Variants in EBF1 observed in about 807,000 individuals in gnomAD.
The protein encoded by EBF1 is transcription factor COE1.
A neutral mutation model predicts 68.4 loss-of-function variants in EBF1; 10 were observed. That is an observed-to-expected ratio of 0.15 (90% CI 0.09 to 0.25). The LOEUF is 0.25. Among genes scored for constraint, EBF1 ranks in the 10% least tolerant of loss-of-function variants. EBF1 has a pLI of 1.00. For synonymous variants in EBF1, 298 were observed against 299.8 expected (o/e 0.99, Z 0.06); for missense variants, 509 against 794.4 (o/e 0.64, Z 4.32).
intron 6 of EBF1, among the ~76,000 whole-genome samples, chr5:158,982,287 C>T (rs767182428): frequency 2.6e-5 from 4 of 152,120 alleles, no homozygotes; most frequent in Non-Finnish European, 4.4e-5. Context: ...ACAGTTGTTA[C>T]TAATAGTATT....
intron 6 of EBF1, among the ~76,000 whole-genome samples, chr5:158,933,618 AG>A (rs1811361064): frequency 6.6e-6 from 1 of 152,248 alleles, no homozygotes; most frequent in African/African-American, 2.4e-5. Flanking sequence ...CAGAGAGACC[AG>A]GACTTGCATC....
intron 6 of EBF1, among the ~76,000 whole-genome samples, chr5:159,002,597 C>G (rs760320626): frequency 6.6e-6 from 1 of 152,126 alleles, no homozygotes; most frequent in Non-Finnish European, 1.5e-5. Flanking sequence ...ATTCATCTTA[C>G]AGTAAATAAT....
At chr5:158,793,870 T>C (rs1779146821) in intron 9 of EBF1, among the ~76,000 whole-genome samples, 1 of 152,180 alleles carries the variant, frequency 6.6e-6, no homozygotes, top group Non-Finnish European at 1.5e-5. Context: ...AAATTGTGTG[T>C]GCCAAGTAGC....
intron 6 of EBF1, among the ~76,000 whole-genome samples, chr5:158,906,958 T>C (rs1562268507): frequency 6.6e-6 from 1 of 152,248 alleles, no homozygotes; most frequent in Non-Finnish European, 1.5e-5. Context: ...CACATAACTC[T>C]GTAACCTCCT....
At chr5:158,796,525 A>T in intron 8 of EBF1, 50 bp from the exon 9 acceptor site, 1 of 1,531,156 alleles carries the variant, frequency 6.5e-7, no homozygotes, top group Non-Finnish European at 8.8e-7. Context: ...GTTAGAACCA[A>T]ACTTTAATGA....
At chr5:158,823,069 C>A in intron 8 of EBF1, 107 bp downstream of exon 8, 1 of 1,499,260 alleles carries the variant, frequency 6.7e-7, no homozygotes, top group Non-Finnish European at 9.2e-7. Flanking sequence ...TTCAAAAAGA[C>A]TTTTGAAATT....
At chr5:158,788,802 GTAAA>G (rs1237464287) in intron 9 of EBF1, among the ~76,000 whole-genome samples, 24 of 152,150 alleles carry the variant, frequency 1.6e-4, no homozygotes, top group Admixed American at 1.6e-3. Context: ...TGAACACGCT[GTAAA>G]TAATGAGCTG....
At chr5:158,726,865 G>A (rs570948303) in intron 11 of EBF1, among the ~76,000 whole-genome samples, 4 of 152,318 alleles carry the variant, frequency 2.6e-5, no homozygotes, top group South Asian at 2.1e-4. Flanking sequence ...CTGTGATGTC[G>A]TAGCAAGTCA....
intron 10 of EBF1, among the ~76,000 whole-genome samples, chr5:158,764,517 G>A (rs1772211187): frequency 6.6e-6 from 1 of 152,124 alleles, no homozygotes; most frequent in Admixed American, 6.5e-5. Context: ...TCCGTGCTGG[G>A]CACTGTGAAT....
chr5:159,093,129 C>T (rs1189634755), intron 4 of EBF1, among the ~76,000 whole-genome samples: 3 of 152,166 alleles, frequency 2.0e-5, no homozygotes, highest in African/African-American at 7.2e-5. Flanking sequence ...TCTTCACGCT[C>T]ATCTATCTGC....
At chr5:158,703,568 G>A (rs1218890209) in intron 15 of EBF1, among the ~76,000 whole-genome samples, 1 of 146,664 alleles carries the variant, frequency 6.8e-6, no homozygotes, top group Non-Finnish European at 1.5e-5. Context: ...GACATTTTGT[G>A]AGGCTCCAGA....
intron 10 of EBF1, among the ~76,000 whole-genome samples, chr5:158,736,259 G>A (rs1214785281): frequency 1.3e-5 from 2 of 152,044 alleles, no homozygotes; most frequent in African/African-American, 4.8e-5. Flanking sequence ...CCACTCCTCC[G>A]TCCCCGTTAA....
At chr5:158,800,440 C>G (rs991272588) in intron 8 of EBF1, among the ~76,000 whole-genome samples, 1 of 151,890 alleles carries the variant, frequency 6.6e-6, no homozygotes, top group Non-Finnish European at 1.5e-5. Context: ...ACATTTATTC[C>G]CTATATATTT....
At chr5:158,779,155 C>A (rs772876891) in intron 9 of EBF1, among the ~76,000 whole-genome samples, 1 of 152,080 alleles carries the variant, frequency 6.6e-6, no homozygotes, top group South Asian at 2.1e-4. Context: ...TGTAGAGTAC[C>A]CAGGAGGTAT....
At chr5:159,057,912 C>T (rs1775070928) in intron 6 of EBF1, among the ~76,000 whole-genome samples, 1 of 152,210 alleles carries the variant, frequency 6.6e-6, no homozygotes, top group African/African-American at 2.4e-5. Context: ...ACTGTGTTGT[C>T]ATGAAAACTA....
chr5:158,993,191 T>G (rs1760733769), intron 6 of EBF1, among the ~76,000 whole-genome samples: 1 of 151,532 alleles, frequency 6.6e-6, no homozygotes, highest in African/African-American at 2.4e-5. Context: ...GGATTACAGG[T>G]GCACGCTGCT....
intron 6 of EBF1, among the ~76,000 whole-genome samples, chr5:158,932,721 A>G (rs1291210992): frequency 1.3e-5 from 2 of 152,228 alleles, no homozygotes; most frequent in African/African-American, 4.8e-5. Context: ...CTATTTAGCC[A>G]CATTCAAGCC....
intron 7 of EBF1, among the ~76,000 whole-genome samples, chr5:158,829,271 G>A (rs146375319): frequency 2.0e-5 from 3 of 152,186 alleles, no homozygotes; most frequent in Admixed American, 6.5e-5. Context: ...CTGCGTCCCG[G>A]GCTCAACTGG....
At chr5:158,942,972 AG>A in intron 6 of EBF1, among the ~76,000 whole-genome samples, 1 of 104,026 alleles carries the variant, frequency 9.6e-6, no homozygotes, top group Non-Finnish European at 1.9e-5. Flanking sequence ...AGGGGGAAGG[AG>A]GGAAGGAGGA....
Sources: gnomAD v4.1 joint callset for allele counts (sites outside exome capture counted in the v4.1 genomes callset) on GRCh38, gnomAD v4.1.1 for gene constraint, MANE v1.5 for transcripts, NCBI Gene and HGNC (gene_info 2026-07-23, HGNC 2026-07-21) for gene names.